The following SH3D19 variants were observed in gnomAD, a reference collection of about 807,000 sequenced individuals.
SH3D19 encodes the protein SH3 domain containing 19.
Under a neutral mutation model 112.1 loss-of-function variants are expected in SH3D19, and 58 were observed. The observed-to-expected ratio is 0.52, with a 90% CI of 0.42 to 0.64. The LOEUF (loss-of-function observed/expected upper bound fraction) is 0.64. Among genes scored for constraint, SH3D19 ranks in the 30% least tolerant of loss-of-function variants. The pLI is 0.00. For missense variants in SH3D19, 1,090 were observed against 1,263.4 expected (o/e 0.86, Z 2.08); for synonymous variants, 391 against 448.5 (o/e 0.87, Z 1.62).
intron 1 of SH3D19, among the ~76,000 whole-genome samples, chr4:151,254,725 CTACACA>C (rs1424337759): frequency 1.3e-5 from 2 of 150,464 alleles, no homozygotes; most frequent in African/African-American, 4.9e-5. Flanking sequence ...CTACTTCTTT[CTACACA>C]GACACGGCAA....
At chr4:151,223,125 G>A (rs1266689379) in intron 2 of SH3D19, among the ~76,000 whole-genome samples, 1 of 149,932 alleles carries the variant, frequency 6.7e-6, no homozygotes, top group African/African-American at 2.5e-5. Flanking sequence ...CATTGAAATG[G>A]TAAATTTTCC....
intron 1 of SH3D19, among the ~76,000 whole-genome samples, chr4:151,251,189 CT>C (rs5862953): frequency 2.1e-5 from 3 of 146,196 alleles, no homozygotes; most frequent in Non-Finnish European, 4.5e-5. Context: ...CTTTCTTTTT[CT>C]TTTTTTCCTT....
intron 14 of SH3D19, among the ~76,000 whole-genome samples, chr4:151,137,219 CA>C (rs1419246219): frequency 2.6e-5 from 4 of 152,150 alleles, no homozygotes; most frequent in African/African-American, 9.7e-5. Context: ...TTTGTGGGTA[CA>C]ACCATTAATG....
intron 17 of SH3D19, 89 bp from the exon 18 acceptor site, chr4:151,128,445 A>T: frequency 9.2e-7 from 1 of 1,084,962 alleles, no homozygotes. Context: ...GGGAAAAAAA[A>T]ACTAAGGGGT....
At chr4:151,316,633 T>A (rs79079728) in intron 1 of SH3D19, among the ~76,000 whole-genome samples, 8,307 of 152,230 alleles carry the variant, frequency 0.055, 321 homozygotes, top group East Asian at 0.11. Context: ...GGAACAAATT[T>A]TTTTTCCCTT....
intron 2 of SH3D19, among the ~76,000 whole-genome samples, chr4:151,199,286 G>C (rs1353794776): frequency 3.3e-5 from 5 of 152,130 alleles, no homozygotes; most frequent in Non-Finnish European, 7.4e-5. Flanking sequence ...CTGAGTCTGA[G>C]TACAACTGTC....
chr4:151,308,460 T>A (rs1201416392), intron 1 of SH3D19, among the ~76,000 whole-genome samples: 1 of 152,150 alleles, frequency 6.6e-6, no homozygotes, highest in Non-Finnish European at 1.5e-5. Flanking sequence ...TTGCAGGCAT[T>A]TCTAGGTGAG....
intron 2 of SH3D19, among the ~76,000 whole-genome samples, chr4:151,193,141 C>A (rs1371855778): frequency 6.7e-6 from 1 of 149,718 alleles, no homozygotes; most frequent in Admixed American, 6.6e-5. Flanking sequence ...CACCTATAAT[C>A]CACTTAATAA....
At chr4:151,195,514 C>A (rs1425048725) in intron 2 of SH3D19, among the ~76,000 whole-genome samples, 1 of 151,952 alleles carries the variant, frequency 6.6e-6, no homozygotes, top group Non-Finnish European at 1.5e-5. Context: ...GGCCCCTGCC[C>A]ATAGGTGCTC....
chr4:151,268,237 A>C (rs898649190), intron 1 of SH3D19, among the ~76,000 whole-genome samples: 1 of 152,214 alleles, frequency 6.6e-6, no homozygotes, highest in Non-Finnish European at 1.5e-5. Flanking sequence ...ATCTAAACAT[A>C]GAAAAGGTAC....
intron 1 of SH3D19, chr4:151,227,717 A>G (rs1159331849): frequency 1.0e-6 from 1 of 983,110 alleles, no homozygotes; most frequent in East Asian, 1.1e-4. Flanking sequence ...CAGAAACTGA[A>G]TACAGATTAG....
At chr4:151,287,439 A>G (rs1263331257) in intron 1 of SH3D19, among the ~76,000 whole-genome samples, 2 of 152,156 alleles carry the variant, frequency 1.3e-5, no homozygotes, top group African/African-American at 2.4e-5. Context: ...AGGAAGCTAT[A>G]GACCAGTATC....
intron 1 of SH3D19, chr4:151,277,261 A>G (rs1773719865): frequency 1.4e-6 from 2 of 1,453,228 alleles, no homozygotes; most frequent in Non-Finnish European, 9.2e-7. Context: ...GCAGAGGCAG[A>G]GGATTTTTAC....
chr4:151,314,032 T>C (rs1729755413), intron 1 of SH3D19, among the ~76,000 whole-genome samples: 1 of 152,206 alleles, frequency 6.6e-6, no homozygotes, highest in Non-Finnish European at 1.5e-5. Flanking sequence ...GAAAAAGCAG[T>C]TAACTATCAT....
chr4:151,241,241 A>T (rs1254361911), intron 1 of SH3D19, among the ~76,000 whole-genome samples: 3 of 151,980 alleles, frequency 2.0e-5, no homozygotes, highest in African/African-American at 7.3e-5. Context: ...GCAGTGAGCT[A>T]TGATTGTGCC....
chr4:151,251,644 T>C (rs1017070957), intron 1 of SH3D19, among the ~76,000 whole-genome samples: 2 of 152,312 alleles, frequency 1.3e-5, no homozygotes, highest in South Asian at 4.1e-4. Flanking sequence ...CCAGCTTAAG[T>C]TAGTGATTTC....
intron 6 of SH3D19, 127 bp from the exon 7 acceptor site, chr4:151,175,801 C>A (rs1272025151): frequency 1.1e-6 from 1 of 896,038 alleles, no homozygotes. Flanking sequence ...ATTTTGGTTT[C>A]TTTTAATTAG....
rs541665981 is a variant in SH3D19, at chr4:151,234,735, G to GTTTTTTT, written c.113-8656_113-8650dup. ...GTTTTTGTTTTCTTTCCAAGTTTGT[G>GTTTTTTT]TTTTTTTTTTTTTTTTTTTTTTTTT... On this transcript the variant is annotated intron_variant, in intron 1 of 19. Transcript: ENST00000604030. Among the ~76,000 whole-genome samples, 13 of 25,076 alleles carry GTTTTTTT rather than the reference G, an allele frequency of 5.2e-4. 1 individual carries two copies. The highest frequency in any genetic ancestry group is 1.1e-3 in the African/African-American group (12 of 10,820). 16.5% of individuals were successfully genotyped at this position (25,076 alleles called of 152,430 possible).
Position 151,130,966 on chromosome 4 carries a change from G to C in SH3D19, c.2742+1365C>G, listed in dbSNP as rs986210349. On this transcript the variant is annotated intron_variant, in intron 17 of 19. Transcript: ENST00000604030. ...AAAAAAAGAAAAAAAAAAAAGAAGT[G>C]GGGGAAAAAAACCTACCCGTATATA... Among the ~76,000 whole-genome samples, 5 of 151,368 alleles carry C rather than the reference G, an allele frequency of 3.3e-5. No homozygotes were observed. The East Asian group carries it at 5.8e-4, about 18-fold the overall frequency.
Sources: gnomAD v4.1 joint callset for allele counts (sites outside exome capture counted in the v4.1 genomes callset) on GRCh38, gnomAD v4.1.1 for gene constraint, MANE v1.5 for transcripts, NCBI Gene and HGNC (gene_info 2026-07-23, HGNC 2026-07-21) for gene names.